Variants in CDH8 observed in about 807,000 individuals in gnomAD.
The protein encoded by CDH8 is cadherin-8.
A neutral mutation model predicts 68.1 loss-of-function variants in CDH8; 17 were observed. The ratio of observed to expected loss-of-function variants is 0.25; its 90% CI spans 0.17 to 0.37. The LOEUF (loss-of-function observed/expected upper bound fraction) is 0.37. Among genes scored for constraint, CDH8 ranks in the 10% least tolerant of loss-of-function variants. The probability of loss-of-function intolerance (pLI) is 1.00; values close to 1 mark genes in which losing one functional copy is unlikely to be tolerated. For missense variants in CDH8, 763 were observed against 999.3 expected, an observed-to-expected ratio of 0.76 and a Z score of 3.19; for synonymous variants, 372 against 365.1, an observed-to-expected ratio of 1.02 and a Z score of -0.21.
At chr16:61,743,661 T>A (rs553693785) in intron 8 of CDH8, among the ~76,000 whole-genome samples, 2 of 152,194 alleles carry the variant, frequency 1.3e-5, no homozygotes, top group Non-Finnish European at 2.9e-5. Flanking sequence ...TTATTTTCTA[T>A]CCTATACTTA....
At chr16:61,843,762 T>A (rs1962738569) in intron 4 of CDH8, among the ~76,000 whole-genome samples, 1 of 152,158 alleles carries the variant, frequency 6.6e-6, no homozygotes. Flanking sequence ...ATGGGATGGT[T>A]GGGTCAAATG....
At chr16:61,929,057 C>T (rs924144762) in intron 2 of CDH8, among the ~76,000 whole-genome samples, 5 of 152,024 alleles carry the variant, frequency 3.3e-5, no homozygotes, top group East Asian at 1.9e-4. Flanking sequence ...TACAGGTGCC[C>T]GCCACCATGC....
chr16:61,671,139 A>C (rs1479971732), intron 10 of CDH8, among the ~76,000 whole-genome samples: 18 of 152,088 alleles, frequency 1.2e-4, no homozygotes, highest in Non-Finnish European at 5.9e-5. Flanking sequence ...ATTCAGTTAA[A>C]AATATCTGAG....
intron 10 of CDH8, among the ~76,000 whole-genome samples, chr16:61,657,679 A>G (rs149579237): frequency 1.3e-5 from 2 of 152,286 alleles, no homozygotes; most frequent in East Asian, 1.9e-4. Context: ...GGTTTTATAC[A>G]TGATAGTTCA....
At chr16:61,930,915 G>T (rs1964530879) in intron 2 of CDH8, among the ~76,000 whole-genome samples, 1 of 152,148 alleles carries the variant, frequency 6.6e-6, no homozygotes, top group Non-Finnish European at 1.5e-5. Context: ...AGCTTGAATA[G>T]CCCAAGAGAT....
rs1482264490 is a variant in CDH8 at position 61,919,233 on chromosome 16, C to A, written c.253-17760G>T. ...ATGGGGAAAAAACAGAACAGAAAAA[C>A]TGGAAACTCTAAAAAGCAGAGCGCC... is the stretch of plus-strand genomic sequence containing the variant. On this transcript the variant is annotated intron_variant, in intron 2 of 11. Coordinates refer to ENST00000577390, the MANE Select transcript of CDH8 (RefSeq NM_001796.5). Among the ~76,000 whole-genome samples, 2 of 147,412 alleles carry A rather than the reference C, an allele frequency of 1.4e-5. 1 individual carries two copies. The highest frequency in any genetic ancestry group is 3.0e-5 in the Non-Finnish European group (2 of 67,316).
intron 8 of CDH8, among the ~76,000 whole-genome samples, chr16:61,761,182 T>C (rs998026640): frequency 1.3e-5 from 2 of 152,176 alleles, no homozygotes; most frequent in Non-Finnish European, 1.5e-5. Flanking sequence ...AGACAATATT[T>C]GATCAGAAAA....
At chr16:61,845,294 C>T (rs887803941) in intron 4 of CDH8, among the ~76,000 whole-genome samples, 2 of 151,952 alleles carry the variant, frequency 1.3e-5, no homozygotes, top group Non-Finnish European at 2.9e-5. Flanking sequence ...ATTCATTTGT[C>T]CATAAACGGC....
At chr16:62,029,186 G>A (rs1371402361) in intron 1 of CDH8, among the ~76,000 whole-genome samples, 1 of 152,158 alleles carries the variant, frequency 6.6e-6, no homozygotes, top group Non-Finnish European at 1.5e-5. Flanking sequence ...AATAAATAAG[G>A]TAATTTAAAG....
intron 10 of CDH8, among the ~76,000 whole-genome samples, chr16:61,690,678 G>A (rs1334498788): frequency 4.0e-5 from 6 of 151,710 alleles, no homozygotes; most frequent in Non-Finnish European, 5.9e-5. Context: ...TTTTTCCTGT[G>A]CCAGGTAACA....
intron 2 of CDH8, among the ~76,000 whole-genome samples, chr16:61,927,209 C>T (rs1054552864): frequency 6.6e-6 from 1 of 152,092 alleles, no homozygotes; most frequent in Non-Finnish European, 1.5e-5. Context: ...GCTTCAGTTT[C>T]TATATTGCTA....
chr16:61,906,033 A>G (rs1964055159), intron 2 of CDH8, among the ~76,000 whole-genome samples: 1 of 152,210 alleles, frequency 6.6e-6, no homozygotes, highest in Non-Finnish European at 1.5e-5. Context: ...TAGATAGAGC[A>G]AGGAATTGAG....
chr16:61,954,700 C>CAAAAAAAA (rs35839753), intron 2 of CDH8, among the ~76,000 whole-genome samples: 3 of 68,222 alleles, frequency 4.4e-5, no homozygotes, highest in Admixed American at 1.6e-4. Context: ...GACTCCATCT[C>CAAAAAAAA]AAAAAAAAAA....
intron 8 of CDH8, among the ~76,000 whole-genome samples, chr16:61,729,891 T>C (rs1324438748): frequency 6.6e-6 from 1 of 151,338 alleles, no homozygotes. Flanking sequence ...AATTGCTAAT[T>C]TTACAGATTC....
rs1963241983 is a variant in CDH8, at chr16:61,647,999, A to G, written c.*5609T>C. 3.3e-6 allele frequency: 2 copies of G among 611,252 alleles called. No individual in the cohort carries two copies. Among genetic ancestry groups the G allele is most frequent in the Non-Finnish European group, 5.9e-6 (2 of 341,122 alleles). The allele number at this position is 611,252 out of a possible 1,614,324, so 37.9% of individuals were successfully genotyped here. A position where few individuals can be genotyped will look rare whatever the true frequency, so the allele number is the denominator to read the frequency against. ...GGTGGCAGGTAACTCAAGTTGGGGAAATAGTACCCAAAGGCACTATTTTCA... is the reference window on the plus strand; with the variant it reads ...GGTGGCAGGTAACTCAAGTTGGGGAGATAGTACCCAAAGGCACTATTTTCA... On this transcript the variant is annotated 3_prime_UTR_variant, in exon 12 of 12. Coordinates refer to ENST00000577390, the MANE Select transcript of CDH8 (RefSeq NM_001796.5).
At chr16:61,658,248 T>G (rs1431618831) in intron 10 of CDH8, among the ~76,000 whole-genome samples, 1 of 152,096 alleles carries the variant, frequency 6.6e-6, no homozygotes, top group East Asian at 1.9e-4. Flanking sequence ...GGAATAATTT[T>G]TTATATCTTA....
chr16:61,864,298 G>T (rs371012214), intron 3 of CDH8, among the ~76,000 whole-genome samples: 19 of 100,560 alleles, frequency 1.9e-4, no homozygotes, highest in Admixed American at 5.3e-4. Flanking sequence ...TGTCCGGTTG[G>T]TTGGTTGGTT....
At chr16:61,781,960 CAA>C (rs772356160) in intron 8 of CDH8, among the ~76,000 whole-genome samples, 7 of 152,152 alleles carry the variant, frequency 4.6e-5, no homozygotes, top group Non-Finnish European at 7.3e-5. Context: ...GGGGAAACAG[CAA>C]AGTTTCCAAA....
intron 2 of CDH8, among the ~76,000 whole-genome samples, chr16:61,921,632 G>A (rs1251492567): frequency 6.6e-6 from 1 of 152,112 alleles, no homozygotes; most frequent in African/African-American, 2.4e-5. Flanking sequence ...ACATAGCTCA[G>A]TAAACCAGTA....
Sources: allele counts gnomAD v4.1 joint callset (sites outside exome capture counted in the v4.1 genomes callset), GRCh38; gene constraint gnomAD v4.1.1; transcripts MANE v1.5; gene names NCBI Gene and HGNC (gene_info 2026-07-23, HGNC 2026-07-21).